Variants in HTN3 observed in about 807,000 individuals in gnomAD.
HTN3 encodes the protein histatin-3.
HTN3 carries 15 observed loss-of-function variants against 10.6 expected under a neutral mutation model. The observed-to-expected ratio is 1.42, with a 90% CI of 0.95 to 2.18. The LOEUF is 2.18. Among genes scored for constraint, HTN3 ranks in the 30% most tolerant of loss-of-function variants. HTN3 has a pLI of 0.00. For synonymous variants in HTN3, 15 were observed against 16.9 expected (o/e 0.89, Z 0.27); for missense variants, 68 against 58.0 (o/e 1.17, Z -0.56).
chr4:70,035,051 G>A (rs1253620525), intron 5 of HTN3, among the ~76,000 whole-genome samples: 1 of 152,086 alleles, frequency 6.6e-6, no homozygotes, highest in Non-Finnish European at 1.5e-5. Context: ...GGTAGGAGGT[G>A]ACAGAAGGTA....
At position 70,032,383 on chromosome 4, in the gene HTN3, A is replaced by G. The variant is rs796416049; in HGVS notation, c.102+276A>G. Among the ~76,000 whole-genome samples, 3 of 152,114 alleles carry G rather than the reference A, an allele frequency of 2.0e-5. 1 individual carries two copies. Among genetic ancestry groups the G allele is most frequent in the African/African-American group, 7.2e-5 (3 of 41,558 alleles). On this transcript the variant is annotated intron_variant, in intron 4 of 5. Transcript: ENST00000673563. ...CTTTCTCTTATAAATAATTACATTG[A>G]CCTAAAGAATAGTTCCTAATTCTAT...
chr4:70,034,986 G>C (rs191889642), intron 5 of HTN3, among the ~76,000 whole-genome samples: 2 of 152,288 alleles, frequency 1.3e-5, no homozygotes, highest in East Asian at 3.9e-4. Context: ...TCATAAGTGG[G>C]AGCTGAACAA....
At chr4:70,030,925 T>A in intron 2 of HTN3, 134 bp downstream of exon 2, 3 of 697,678 alleles carry the variant, frequency 4.3e-6, no homozygotes, top group Non-Finnish European at 2.4e-6. Flanking sequence ...AGATTTTCCT[T>A]GAATTAACCT....
chr4:70,035,645 A>G (rs1260247940), intron 5 of HTN3, among the ~76,000 whole-genome samples: 1 of 152,250 alleles, frequency 6.6e-6, no homozygotes, highest in Non-Finnish European at 1.5e-5. Context: ...GAAATATGAT[A>G]TGGTAACAAT....
intron 1 of HTN3, among the ~76,000 whole-genome samples, chr4:70,030,277 T>C (rs558553447): frequency 9.2e-5 from 14 of 152,282 alleles, no homozygotes; most frequent in Admixed American, 2.6e-4. Flanking sequence ...AAGATGTCCA[T>C]TTGTGTGTTT....
intron 5 of HTN3, among the ~76,000 whole-genome samples, chr4:70,033,736 C>T (rs1725442231): frequency 6.6e-6 from 1 of 152,148 alleles, no homozygotes; most frequent in Non-Finnish European, 1.5e-5. Context: ...TTCTTCTTAT[C>T]CATGAGAATG....
Position 70,030,793 on chromosome 4 carries a change from T to A in HTN3, c.51+2T>A. ...TTGGCTCTCATGCTTTCCATGACTG[T>A]AAGTATATCTGGAAGTTTTAAAGGA... On this transcript the variant is annotated splice_donor_variant, in intron 2 of 5. Transcript: ENST00000673563. LOFTEE classifies it high-confidence loss of function. The A allele has an allele frequency of 6.2e-7, 1 of 1,608,272 alleles. No individual in the cohort carries two copies. Among genetic ancestry groups the A allele is most frequent in the Non-Finnish European group, 8.5e-7 (1 of 1,174,938 alleles).
intron 5 of HTN3, among the ~76,000 whole-genome samples, chr4:70,034,723 C>A (rs2109710886): frequency 6.6e-6 from 1 of 152,268 alleles, no homozygotes; most frequent in East Asian, 1.9e-4. Context: ...GAATATAAAG[C>A]ATTCTACTAT....
At chr4:70,030,578 A>C (rs921424519) in intron 1 of HTN3, 150 bp from the exon 2 acceptor site, 15 of 611,912 alleles carry the variant, frequency 2.5e-5, no homozygotes, top group Middle Eastern at 4.6e-4. Flanking sequence ...GTGGTCCAGG[A>C]TGCAGTGATC....
intron 2 of HTN3, among the ~76,000 whole-genome samples, chr4:70,031,710 A>G (rs1020010892): frequency 1.3e-5 from 2 of 152,086 alleles, no homozygotes; most frequent in African/African-American, 4.8e-5. Flanking sequence ...TCTCTTATTC[A>G]CCAATGATAG....
intron 5 of HTN3, chr4:70,034,355 T>G (rs1725457692): frequency 6.6e-6 from 1 of 151,932 alleles, no homozygotes; most frequent in Non-Finnish European, 1.5e-5. Context: ...TTAAACAAAT[T>G]TACAAGACAA....
chr4:70,032,159 A>G (rs1473048616), intron 4 of HTN3, 52 bp downstream of exon 4: 5 of 1,143,488 alleles, frequency 4.4e-6, no homozygotes, highest in Admixed American at 2.0e-5. Flanking sequence ...TTCTCTGACT[A>G]TTTATTCTCC....
chr4:70,030,410 G>A (rs1221549068), intron 1 of HTN3, among the ~76,000 whole-genome samples: 3 of 152,080 alleles, frequency 2.0e-5, no homozygotes, highest in Non-Finnish European at 2.9e-5. Flanking sequence ...AAGATTCCTA[G>A]AGCCCAGGAG....
At chr4:70,029,938 A>G (rs552578680) in intron 1 of HTN3, among the ~76,000 whole-genome samples, 22 of 152,328 alleles carry the variant, frequency 1.4e-4, no homozygotes, top group Middle Eastern at 3.4e-3. Context: ...ATTCTTTAAT[A>G]GAAATCTGGC....
Position 70,033,235 on chromosome 4 carries a change from A to ATGCC in HTN3, c.*15_*16insTGCC. On this transcript the variant is annotated 3_prime_UTR_variant, in exon 5 of 6. Coordinates refer to ENST00000673563, the MANE Select transcript of HTN3 (RefSeq NM_000200.3). ...ATGACAATTGATATCTTCAGTAATC[A>ATGCC]CGGGGCATGATTATGGAGGTAAGCT... 5.2e-6 allele frequency: 8 copies of ATGCC among 1,539,478 alleles called. No homozygotes were observed. The highest frequency in any genetic ancestry group is 7.2e-6 in the Non-Finnish European group (8 of 1,117,476).
intron 1 of HTN3, among the ~76,000 whole-genome samples, chr4:70,028,883 A>G (rs1725305965): frequency 6.6e-6 from 1 of 152,098 alleles, no homozygotes; most frequent in African/African-American, 2.4e-5. Flanking sequence ...TCTGTCTTGC[A>G]AATTCATTAT....
chr4:70,029,424 G>T (rs1465954731), intron 1 of HTN3, among the ~76,000 whole-genome samples: 2 of 151,922 alleles, frequency 1.3e-5, no homozygotes, highest in African/African-American at 4.8e-5. Flanking sequence ...AAGGCAAATG[G>T]GTTCTGCTTT....
chr4:70,030,820 A>G (rs746162563), intron 2 of HTN3, 29 bp downstream of exon 2: 9 of 1,530,058 alleles, frequency 5.9e-6, no homozygotes, highest in African/African-American at 1.4e-5. Flanking sequence ...TTTAAAGGAT[A>G]CATTCTCAGT....
At chr4:70,035,272 G>A (rs185249833) in intron 5 of HTN3, among the ~76,000 whole-genome samples, 1 of 152,292 alleles carries the variant, frequency 6.6e-6, no homozygotes, top group Admixed American at 6.5e-5. Flanking sequence ...TCCTGACCCT[G>A]ACAACTAGTT....
Sources: gnomAD v4.1 joint callset for allele counts (sites outside exome capture counted in the v4.1 genomes callset) on GRCh38, gnomAD v4.1.1 for gene constraint, MANE v1.5 for transcripts, NCBI Gene and HGNC (gene_info 2026-07-23, HGNC 2026-07-21) for gene names.